The following ACTN2 variants were observed in gnomAD, a reference collection of about 807,000 sequenced individuals.
ACTN2 encodes actinin alpha 2.
In ACTN2, 39 loss-of-function variants were observed where a neutral mutation model predicts 113.8. The ratio of observed to expected loss-of-function variants is 0.34; its 90% CI spans 0.27 to 0.45. The LOEUF is 0.45. ACTN2 is among the 20% of genes least tolerant of loss of function. The pLI is 1.00. For missense variants in ACTN2, 992 were observed against 1,177.9 expected (o/e 0.84, Z 2.31); for synonymous variants, 429 against 444.1 (o/e 0.97, Z 0.43).
intron 1 of ACTN2, among the ~76,000 whole-genome samples, chr1:236,705,223 A>T (rs1370536215): frequency 1.3e-5 from 2 of 151,662 alleles, no homozygotes; most frequent in South Asian, 2.1e-4. Flanking sequence ...TATATATAAA[A>T]AATATCACAG....
chr1:236,759,101 TA>T (rs1221883779), intron 18 of ACTN2, among the ~76,000 whole-genome samples: 1 of 152,212 alleles, frequency 6.6e-6, no homozygotes, highest in Non-Finnish European at 1.5e-5. Context: ...TAGGCATAAG[TA>T]AAAAATTATC....
At chr1:236,698,590 A>G (rs1232846984) in intron 1 of ACTN2, among the ~76,000 whole-genome samples, 1 of 152,252 alleles carries the variant, frequency 6.6e-6, no homozygotes, top group African/African-American at 2.4e-5. Context: ...TATGAAATAT[A>G]AGGTGGCTGA....
rs1162689999 is a variant in ACTN2, at chr1:236,743,985, T to C, written c.1256-641T>C. Among the ~76,000 whole-genome samples, 3 of 152,278 alleles carry C rather than the reference T, an allele frequency of 2.0e-5. No homozygotes were observed. The East Asian group carries it at 5.8e-4, about 29-fold the overall frequency. On this transcript the variant is annotated intron_variant, in intron 11 of 20. Coordinates refer to ENST00000366578, the MANE Select transcript of ACTN2 (RefSeq NM_001103.4). ...ATCGTCATCATTAAATACATGAACATTTGCTTTCCACTTCCAATTTCATAG... is the reference window on the plus strand; with the variant it reads ...ATCGTCATCATTAAATACATGAACACTTGCTTTCCACTTCCAATTTCATAG...
chr1:236,686,851 G>C, intron 1 of ACTN2, 52 bp downstream of exon 1: 1 of 1,335,642 alleles, frequency 7.5e-7, no homozygotes, highest in South Asian at 2.1e-5. Context: ...GGTCCCCCGC[G>C]GGGCTCCCGT....
At chr1:236,715,729 A>G (rs992825519) in intron 1 of ACTN2, among the ~76,000 whole-genome samples, 10 of 152,082 alleles carry the variant, frequency 6.6e-5, no homozygotes, top group Non-Finnish European at 1.5e-4. Flanking sequence ...GCCGAGGCAG[A>G]TGGATCACCT....
intron 1 of ACTN2, among the ~76,000 whole-genome samples, chr1:236,693,790 G>T (rs1041484409): frequency 1.3e-5 from 2 of 152,038 alleles, no homozygotes; most frequent in African/African-American, 4.8e-5. Context: ...TGCCAAAAAT[G>T]ATCTTAATAA....
Position 236,763,386 on chromosome 1 carries a change from T to A in ACTN2, c.*767T>A, listed in dbSNP as rs919100222. ...CTAGGTAAAATGAGGTTTTTAGGAT[T>A]ATTTATTGATTCCAGGTTCCCATGC... is the stretch of plus-strand genomic sequence containing the variant. On this transcript the variant is annotated 3_prime_UTR_variant, in exon 21 of 21. Coordinates refer to ENST00000366578, the MANE Select transcript of ACTN2 (RefSeq NM_001103.4). 7.9e-5 allele frequency: 12 copies of A among 152,748 alleles called. No individual in the cohort carries two copies. Among genetic ancestry groups the A allele is most frequent in the African/African-American group, 2.7e-4 (11 of 41,472 alleles). The allele number at this position is 152,748 out of a possible 1,614,324, so 9.5% of individuals were successfully genotyped here.
At chr1:236,759,324 T>A (rs1437970326) in intron 18 of ACTN2, among the ~76,000 whole-genome samples, 1 of 152,226 alleles carries the variant, frequency 6.6e-6, no homozygotes, top group East Asian at 1.9e-4. Flanking sequence ...GCACATTGAT[T>A]TGAATCCAAG....
chr1:236,753,046 T>G (rs1385517895), intron 15 of ACTN2, among the ~76,000 whole-genome samples: 1 of 152,198 alleles, frequency 6.6e-6, no homozygotes, highest in Admixed American at 6.5e-5. Context: ...GGCATAGCAT[T>G]AAAATGTAAC....
At chr1:236,726,081 A>G (rs1217204353) in intron 5 of ACTN2, 61 bp downstream of exon 5, 4 of 1,465,648 alleles carry the variant, frequency 2.7e-6, no homozygotes, top group East Asian at 4.5e-5. Context: ...AGCATGGGGA[A>G]CAGTGTTTGT....
Position 236,751,463 on chromosome 1 carries a change from G to A in ACTN2, c.1657-7G>A. Reference sequence around the variant, plus strand: ...ATTGTTTTTCTCCACTTGTGTCTCGGGTGTAGAGTCTGATCACTGCGCATG... The same window carrying A: ...ATTGTTTTTCTCCACTTGTGTCTCGAGTGTAGAGTCTGATCACTGCGCATG... On this transcript the variant is annotated splice_region_variant and splice_polypyrimidine_tract_variant and intron_variant, in intron 14 of 20. Transcript: ENST00000366578. The A allele has an allele frequency of 2.5e-6, 4 of 1,613,914 alleles. No individual in the cohort carries two copies. Among genetic ancestry groups the A allele is most frequent in the Non-Finnish European group, 3.4e-6 (4 of 1,180,002 alleles).
rs766165654 is a variant in ACTN2, at chr1:236,751,624, T to C, written c.1811T>C (p.Met604Thr). 3.7e-6 allele frequency: 6 copies of C among 1,613,850 alleles called. No individual in the cohort carries two copies. In the Admixed American group the frequency reaches 5.0e-5, roughly 13 times the overall value. The change falls in exon 15 of 21, where the codon ATG becomes ACG. Residue 604 changes from methionine (M) to threonine (T), a missense_variant. By Grantham distance (81) the Met-to-Thr change is moderately conservative. This residue lies in a region of ACTN2 where 736 missense variants were observed against 815.4 expected (regional missense o/e 0.90). Transcript: ENST00000366578. The part of the protein sequence containing the change: ...SSSNPYSTVT[M>T]DELRTKWDKV... ...AGCAACCCGTACAGCACTGTCACCA[T>C]GGATGAGCTCCGGACCAAGTGGGAC...
chr1:236,763,442 C>T lies in ACTN2; in HGVS notation c.*823C>T, dbSNP rs909195774. 2 of 152,346 alleles carry T rather than the reference C, an allele frequency of 1.3e-5. No individual in the cohort carries two copies. The highest frequency in any genetic ancestry group is 2.9e-5 in the Non-Finnish European group (2 of 68,204). 9.4% of individuals were successfully genotyped at this position (152,346 alleles called of 1,614,324 possible). On this transcript the variant is annotated 3_prime_UTR_variant, in exon 21 of 21. Coordinates refer to ENST00000366578, the MANE Select transcript of ACTN2 (RefSeq NM_001103.4). ...GTTAGAGCTTATTAGTACAGGTTCT[C>T]AAGAGATGACCACATAAAAGTGCTC...
chr1:236,697,390 G>T (rs913583629), intron 1 of ACTN2, among the ~76,000 whole-genome samples: 3 of 152,170 alleles, frequency 2.0e-5, no homozygotes, highest in Admixed American at 6.5e-5. Flanking sequence ...AAAAGTCAAG[G>T]CTGGAGATTT....
chr1:236,728,459 A>C (rs1210995725), intron 6 of ACTN2, among the ~76,000 whole-genome samples: 1 of 152,160 alleles, frequency 6.6e-6, no homozygotes, highest in Non-Finnish European at 1.5e-5. Context: ...AGCCTTTTTA[A>C]AGTCAAGTTC....
At chr1:236,724,669 T>C (rs1326771461) in intron 4 of ACTN2, among the ~76,000 whole-genome samples, 1 of 152,190 alleles carries the variant, frequency 6.6e-6, no homozygotes, top group East Asian at 1.9e-4. Context: ...CCCCCAGTCT[T>C]TGGCTGGAGC....
rs1378629938 is a variant in ACTN2 at position 236,686,617 on chromosome 1, T to A, written c.-57T>A. Reference sequence around the variant, plus strand: ...CCGCCTCCGTGGGTCCGTTTGCCAGTCAGCCCGTGCGTCCGAGCCCCTCGC... The same window carrying A: ...CCGCCTCCGTGGGTCCGTTTGCCAGACAGCCCGTGCGTCCGAGCCCCTCGC... On this transcript the variant is annotated 5_prime_UTR_variant, in exon 1 of 21. Coordinates refer to ENST00000366578, the MANE Select transcript of ACTN2 (RefSeq NM_001103.4). 1.3e-6 allele frequency: 2 copies of A among 1,500,842 alleles called. No homozygotes were observed. The allele number at this position is 1,500,842 out of a possible 1,614,324, so 93.0% of individuals were successfully genotyped here. A position where few individuals can be genotyped will look rare whatever the true frequency, so the allele number is the denominator to read the frequency against.
chr1:236,700,906 C>T (rs1169496010), intron 1 of ACTN2, among the ~76,000 whole-genome samples: 1 of 152,150 alleles, frequency 6.6e-6, no homozygotes, highest in Non-Finnish European at 1.5e-5. Context: ...CAGAAAAGTG[C>T]TGGGGGGCCT....
rs1659499090 is a variant in ACTN2 at position 236,754,605 on chromosome 1, A to G, written c.1975-414A>G. On this transcript the variant is annotated intron_variant, in intron 16 of 20. Coordinates refer to ENST00000366578, the MANE Select transcript of ACTN2 (RefSeq NM_001103.4). This position sits in a 1 kb window ranked among gnomAD's most constrained non-coding sequence, Gnocchi z 4.9. ...TTTTTCTTAAAGCGGAGACCATGTA[A>G]AAATATAAGAAATTCTGATGGAGGA... 6.6e-6 allele frequency among the ~76,000 whole-genome samples: 1 copy of G among 152,160 alleles called. No homozygotes were observed. The highest frequency in any genetic ancestry group is 2.1e-4 in the South Asian group (1 of 4,822).
Sources: gnomAD v4.1 joint callset for allele counts (sites outside exome capture counted in the v4.1 genomes callset) on GRCh38, gnomAD v4.1.1 for gene constraint, gnomAD v4.1.1 regional missense constraint, Gnocchi (gnomAD v3.1) non-coding constraint, MANE v1.5 for transcripts, NCBI Gene and HGNC (gene_info 2026-07-23, HGNC 2026-07-21) for gene names.